ZSWIM6: variants seen among roughly 807,000 people sequenced by gnomAD.
ZSWIM6 encodes the protein zinc finger SWIM-type containing 6.
In ZSWIM6, 9 loss-of-function variants were observed where a neutral mutation model predicts 113.2. The ratio of observed to expected loss-of-function variants is 0.08; its 90% CI spans 0.05 to 0.14. ZSWIM6 has a LOEUF of 0.14. ZSWIM6 is among the 10% of genes least tolerant of loss of function. The pLI, the probability that ZSWIM6 is intolerant of heterozygous loss-of-function variation, is 1.00. For missense variants in ZSWIM6, 1,162 were observed against 1,552.2 expected (o/e 0.75, Z 4.22); for synonymous variants, 611 against 606.5 (o/e 1.01, Z -0.11).
At chr5:61,437,193 C>A (rs148174560) in intron 1 of ZSWIM6, among the ~76,000 whole-genome samples, 35 of 152,244 alleles carry the variant, frequency 2.3e-4, no homozygotes, top group African/African-American at 8.2e-4. Flanking sequence ...GGGTGGGTGA[C>A]AATGAACATG....
intron 1 of ZSWIM6, among the ~76,000 whole-genome samples, chr5:61,333,278 T>TGGATGTGGACAAAGGCGCGGGC (rs1744307545): frequency 6.8e-6 from 1 of 148,112 alleles, no homozygotes; most frequent in Admixed American, 6.7e-5. Flanking sequence ...GTTTCGGGGG[T>TGGATGTGGACAAAGGCGCGGGC]GGATGTGGAC....
At position 61,454,798 on chromosome 5, in the gene ZSWIM6, G is replaced by A. The variant is rs577162234; in HGVS notation, c.677-17883G>A. Among the ~76,000 whole-genome samples, 7 of 151,804 alleles carry A rather than the reference G, an allele frequency of 4.6e-5. No individual in the cohort carries two copies. The South Asian group carries it at 8.3e-4, about 18-fold the overall frequency. ...AGGGTTTCACCATGTTGGTCAGGCT[G>A]GTCTCAAACTCCTGACCTGAAATGA... On this transcript the variant is annotated intron_variant, in intron 1 of 13. Coordinates refer to ENST00000252744, the MANE Select transcript of ZSWIM6 (RefSeq NM_020928.2).
chr5:61,512,606 T>G (rs1198552479), intron 4 of ZSWIM6, among the ~76,000 whole-genome samples: 1 of 152,136 alleles, frequency 6.6e-6, no homozygotes, highest in Non-Finnish European at 1.5e-5. Flanking sequence ...GCATTCCAGT[T>G]GCTCCACATC....
At chr5:61,441,441 T>C (rs186888881) in intron 1 of ZSWIM6, among the ~76,000 whole-genome samples, 29 of 152,308 alleles carry the variant, frequency 1.9e-4, no homozygotes, top group Non-Finnish European at 4.0e-4. Flanking sequence ...CTTTGCCTTA[T>C]AGGGTGGTGG....
At chr5:61,443,467 A>G (rs1746881020) in intron 1 of ZSWIM6, among the ~76,000 whole-genome samples, 1 of 152,196 alleles carries the variant, frequency 6.6e-6, no homozygotes, top group South Asian at 2.1e-4. Context: ...AACATAACAG[A>G]TAAGCCTAGT....
intron 1 of ZSWIM6, among the ~76,000 whole-genome samples, chr5:61,441,892 A>G (rs1746842628): frequency 6.6e-6 from 1 of 152,210 alleles, no homozygotes; most frequent in African/African-American, 2.4e-5. Context: ...AAAGCCTATC[A>G]CTGAGACAGT....
intron 7 of ZSWIM6, among the ~76,000 whole-genome samples, chr5:61,528,331 T>C (rs1749338967): frequency 6.6e-6 from 1 of 152,106 alleles, no homozygotes; most frequent in African/African-American, 2.4e-5. Flanking sequence ...CACTTGACAA[T>C]ATATTTGTTT....
chr5:61,370,699 G>A (rs1041761399), intron 1 of ZSWIM6, among the ~76,000 whole-genome samples: 1 of 152,184 alleles, frequency 6.6e-6, no homozygotes, highest in Non-Finnish European at 1.5e-5. Flanking sequence ...AGAGGAAATG[G>A]TGGGCCAAAG....
At chr5:61,416,757 A>G (rs939168019) in intron 1 of ZSWIM6, among the ~76,000 whole-genome samples, 2 of 152,270 alleles carry the variant, frequency 1.3e-5, no homozygotes, top group African/African-American at 2.4e-5. Context: ...TGCTAAGACT[A>G]GAAAACACAA....
intron 1 of ZSWIM6, among the ~76,000 whole-genome samples, chr5:61,419,654 A>G (rs1746317555): frequency 6.6e-6 from 1 of 152,254 alleles, no homozygotes; most frequent in Non-Finnish European, 1.5e-5. Flanking sequence ...CAGGTATAGA[A>G]CATTTCCATC....
rs572109199 is a variant in ZSWIM6 at position 61,529,996 on chromosome 5, C to G, written c.1838-56C>G. On this transcript the variant is annotated intron_variant, in intron 7 of 13. Transcript: ENST00000252744. ...GGTAAAGCCTCTGTTTTCCCCACTT[C>G]TTTCCCTTCATCTCCCTTCTACTCC... 11 of 1,441,734 alleles carry G rather than the reference C, an allele frequency of 7.6e-6. No homozygotes were observed. The African/African-American group carries it at 1.1e-4, about 15-fold the overall frequency. 89.3% of individuals were successfully genotyped at this position (1,441,734 alleles called of 1,614,324 possible).
chr5:61,405,743 A>G (rs1271214373), intron 1 of ZSWIM6, among the ~76,000 whole-genome samples: 1 of 152,184 alleles, frequency 6.6e-6, no homozygotes, highest in African/African-American at 2.4e-5. Flanking sequence ...CTCTAAAGTC[A>G]TTTCTGTTTG....
intron 4 of ZSWIM6, among the ~76,000 whole-genome samples, chr5:61,511,844 A>C (rs932138210): frequency 1.3e-5 from 2 of 152,202 alleles, no homozygotes; most frequent in African/African-American, 4.8e-5. Context: ...GGGTTATTGT[A>C]ACAAGTTAAT....
At chr5:61,375,443 G>A (rs1745353576) in intron 1 of ZSWIM6, 3 of 1,525,944 alleles carry the variant, frequency 2.0e-6, no homozygotes, top group Non-Finnish European at 2.7e-6. Context: ...TCTTCATCAA[G>A]CTCTGATTCT....
intron 1 of ZSWIM6, among the ~76,000 whole-genome samples, chr5:61,385,452 A>C (rs1296885370): frequency 6.6e-6 from 1 of 152,212 alleles, no homozygotes; most frequent in Non-Finnish European, 1.5e-5. Flanking sequence ...CCGATTTGAC[A>C]GAAAGAACAC....
chr5:61,533,686 A>C (rs1272491561), intron 9 of ZSWIM6, among the ~76,000 whole-genome samples: 1 of 152,260 alleles, frequency 6.6e-6, no homozygotes, highest in Non-Finnish European at 1.5e-5. Context: ...AAGGGGAAAC[A>C]GTGAAAGAAA....
chr5:61,343,126 G>T (rs1744584335), intron 1 of ZSWIM6, among the ~76,000 whole-genome samples: 1 of 152,138 alleles, frequency 6.6e-6, no homozygotes, highest in Admixed American at 6.6e-5. Flanking sequence ...TCTTGTTGCT[G>T]GTAAAGAGAT....
intron 1 of ZSWIM6, among the ~76,000 whole-genome samples, chr5:61,435,430 T>C (rs1746685599): frequency 6.6e-6 from 1 of 152,188 alleles, no homozygotes; most frequent in African/African-American, 2.4e-5. Context: ...CCAAATGGAA[T>C]TTTTAGTGTT....
chr5:61,457,039 A>T (rs1201587419), intron 1 of ZSWIM6, among the ~76,000 whole-genome samples: 1 of 151,610 alleles, frequency 6.6e-6, no homozygotes, highest in Non-Finnish European at 1.5e-5. Flanking sequence ...ATATCTCCCA[A>T]TGCTATCCCT....
Sources: allele counts gnomAD v4.1 joint callset (sites outside exome capture counted in the v4.1 genomes callset), GRCh38; gene constraint gnomAD v4.1.1; transcripts MANE v1.5; gene names NCBI Gene and HGNC (gene_info 2026-07-23, HGNC 2026-07-21).